Variants in ERBB4 observed in about 807,000 individuals in gnomAD.
ERBB4 encodes erb-b2 receptor tyrosine kinase 4.
Under a neutral mutation model 158.0 loss-of-function variants are expected in ERBB4, and 42 were observed. The ratio of observed to expected loss-of-function variants is 0.27; its 90% CI spans 0.21 to 0.34. ERBB4 has a LOEUF of 0.34. Among genes scored for constraint, ERBB4 ranks in the 10% least tolerant of loss-of-function variants. The pLI is 1.00. For synonymous variants in ERBB4, 583 were observed against 558.7 expected, an observed-to-expected ratio of 1.04 and a Z score of -0.61; for missense variants, 1,333 against 1,624.1, an observed-to-expected ratio of 0.82 and a Z score of 3.08.
At chr2:212,377,057 A>G (rs531621716) in intron 1 of ERBB4, among the ~76,000 whole-genome samples, 60 of 151,860 alleles carry the variant, frequency 4.0e-4, no homozygotes, top group African/African-American at 1.3e-3. Context: ...CTTATTGTAC[A>G]TGGATATTGT....
chr2:211,975,287 C>T (rs839504), intron 2 of ERBB4, among the ~76,000 whole-genome samples: 85,031 of 152,042 alleles, frequency 0.56, 25,361 homozygotes, highest in Non-Finnish European at 0.68. Flanking sequence ...GGCTCCCCCA[C>T]GCTTAAATAA....
At chr2:212,503,158 T>C (rs1171824975) in intron 1 of ERBB4, among the ~76,000 whole-genome samples, 2 of 152,232 alleles carry the variant, frequency 1.3e-5, no homozygotes, top group East Asian at 3.8e-4. Context: ...CATTGAACTG[T>C]TAGTAATGAG....
intron 4 of ERBB4, among the ~76,000 whole-genome samples, chr2:211,752,632 A>G (rs539697943): frequency 1.3e-5 from 2 of 152,194 alleles, no homozygotes; most frequent in African/African-American, 2.4e-5. Context: ...TATATTCTCA[A>G]TGTTTTTCTC....
chr2:212,239,122 T>C (rs1044220925), intron 1 of ERBB4, among the ~76,000 whole-genome samples: 2 of 152,224 alleles, frequency 1.3e-5, no homozygotes, highest in African/African-American at 4.8e-5. Flanking sequence ...GATTCAGTCA[T>C]AGCTCACTGT....
chr2:211,708,659 C>T (rs1473186126), intron 9 of ERBB4, among the ~76,000 whole-genome samples: 1 of 149,652 alleles, frequency 6.7e-6, no homozygotes, highest in Non-Finnish European at 1.5e-5. Flanking sequence ...TCTTTCCCTC[C>T]TTCCCTGCAC....
intron 2 of ERBB4, among the ~76,000 whole-genome samples, chr2:211,965,567 G>A (rs2081289834): frequency 6.6e-6 from 1 of 152,030 alleles, no homozygotes; most frequent in Non-Finnish European, 1.5e-5. Context: ...TAACCAAGTT[G>A]TTATATACAC....
intron 1 of ERBB4, among the ~76,000 whole-genome samples, chr2:212,269,073 G>A (rs1479437739): frequency 6.6e-6 from 1 of 151,810 alleles, no homozygotes; most frequent in African/African-American, 2.4e-5. Flanking sequence ...TGCACATGAT[G>A]TGCAATGGAA....
intron 20 of ERBB4, among the ~76,000 whole-genome samples, chr2:211,542,123 G>C (rs975933002): frequency 6.6e-6 from 1 of 151,832 alleles, no homozygotes; most frequent in African/African-American, 2.4e-5. Flanking sequence ...CTAAAACATA[G>C]AATTACTTTC....
chr2:211,758,470 T>C (rs548997794), intron 4 of ERBB4, among the ~76,000 whole-genome samples: 7 of 152,352 alleles, frequency 4.6e-5, no homozygotes, highest in African/African-American at 1.7e-4. Context: ...AACCAGGCAC[T>C]TTTAAAGCAT....
chr2:211,767,107 G>T (rs908125416), intron 4 of ERBB4, among the ~76,000 whole-genome samples: 2 of 152,052 alleles, frequency 1.3e-5, no homozygotes, highest in African/African-American at 4.8e-5. Flanking sequence ...CTTGCTCAAG[G>T]CTACTCCCAC....
chr2:211,729,799 A>G (rs2074374696), intron 5 of ERBB4, among the ~76,000 whole-genome samples: 1 of 151,940 alleles, frequency 6.6e-6, no homozygotes, highest in African/African-American at 2.4e-5. Context: ...ATCCTTGCTC[A>G]AATATTTCAT....
intron 20 of ERBB4, among the ~76,000 whole-genome samples, chr2:211,533,792 T>C (rs964190814): frequency 6.6e-6 from 1 of 152,118 alleles, no homozygotes; most frequent in Non-Finnish European, 1.5e-5. Context: ...TTTAAATTCA[T>C]TCATATATGA....
intron 1 of ERBB4, among the ~76,000 whole-genome samples, chr2:212,292,330 GA>G: frequency 6.6e-6 from 1 of 152,084 alleles, no homozygotes; most frequent in East Asian, 1.9e-4. Context: ...GAGGCTCAGA[GA>G]AGTGAAATAT....
intron 1 of ERBB4, among the ~76,000 whole-genome samples, chr2:212,271,497 G>C (rs1039455137): frequency 7.9e-5 from 12 of 151,632 alleles, no homozygotes; most frequent in Non-Finnish European, 1.5e-4. Flanking sequence ...TAAATTTAAA[G>C]ATTTATCAGT....
chr2:211,944,096 T>C (rs1057152321), intron 3 of ERBB4, among the ~76,000 whole-genome samples: 1 of 131,282 alleles, frequency 7.6e-6, no homozygotes, highest in Non-Finnish European at 1.6e-5. Flanking sequence ...TATATATATA[T>C]ACATGGTTAC....
chr2:211,603,750 C>G (rs999933465), intron 19 of ERBB4, among the ~76,000 whole-genome samples: 3 of 152,092 alleles, frequency 2.0e-5, no homozygotes, highest in African/African-American at 7.2e-5. Flanking sequence ...CCAAAAGAGG[C>G]CAATGAGAAT....
chr2:211,671,488 A>G (rs1043754070), intron 14 of ERBB4, among the ~76,000 whole-genome samples: 2 of 152,190 alleles, frequency 1.3e-5, no homozygotes, highest in African/African-American at 4.8e-5. Context: ...TATAGGAAAT[A>G]TCAGTGCAGT....
At chr2:211,693,131 G>A (rs1282657948) in intron 12 of ERBB4, among the ~76,000 whole-genome samples, 2 of 152,102 alleles carry the variant, frequency 1.3e-5, no homozygotes, top group Admixed American at 6.5e-5. Context: ...AGGAGGAGGT[G>A]AGAGGCAGTA....
At chr2:212,110,636 CAG>C (rs2079376322) in intron 2 of ERBB4, among the ~76,000 whole-genome samples, 1 of 152,196 alleles carries the variant, frequency 6.6e-6, no homozygotes, top group Non-Finnish European at 1.5e-5. Flanking sequence ...TTTGCTAGAG[CAG>C]AGTTATCTGC....
Sources: gnomAD v4.1 joint callset for allele counts (sites outside exome capture counted in the v4.1 genomes callset) on GRCh38, gnomAD v4.1.1 for gene constraint, MANE v1.5 for transcripts, NCBI Gene and HGNC (gene_info 2026-07-23, HGNC 2026-07-21) for gene names.